Variants in URB1 observed in about 807,000 individuals in gnomAD.
URB1 encodes the protein nucleolar pre-ribosomal-associated protein 1.
Under a neutral mutation model 242.3 loss-of-function variants are expected in URB1, and 197 were observed. That is an observed-to-expected ratio of 0.81 (90% confidence interval 0.72 to 0.91). The LOEUF (loss-of-function observed/expected upper bound fraction) is 0.91, where lower values mean the gene tolerates loss of function less well. Ranked by LOEUF, URB1 falls within the 40% of genes least tolerant of loss-of-function variation. URB1 has a pLI of 0.00. For synonymous variants in URB1, 1,153 were observed against 1,201.8 expected (o/e 0.96, Z 0.84); for missense variants, 2,721 against 2,860.5 (o/e 0.95, Z 1.11).
Position 32,334,244 on chromosome 21 carries a change from G to A in URB1, c.4776C>T (p.Asp1592=). 1 of 1,551,552 alleles carries A rather than the reference G, an allele frequency of 6.4e-7. No individual in the cohort carries two copies. The highest frequency in any genetic ancestry group is 2.0e-5 in the Admixed American group (1 of 51,002). Residue 1592 remains aspartate (D), a synonymous_variant, in exon 29 of 39, where the codon GAC becomes GAT. Transcript: ENST00000382751. ...GGTCCCGGTCCAGCAGGCGAAGGAT[G>A]TCCCCGACACTCGGCTGCTGCCACA... is the stretch of plus-strand genomic sequence containing the variant. ...RSLWQQPSVG[D]ILRLLDRDRM...
At chr21:32,373,412 A>G (rs1295620389) in intron 7 of URB1, among the ~76,000 whole-genome samples, 1 of 151,896 alleles carries the variant, frequency 6.6e-6, no homozygotes, top group Non-Finnish European at 1.5e-5. Flanking sequence ...GCTCAGCCCA[A>G]GGAAATCATA....
In URB1 at chr21:32,347,005, A is replaced by G. The variant is rs1466642545; in HGVS notation, c.3819T>C (p.His1273=). The stretch of plus-strand genomic sequence containing the variant: ...TCCGTGTCCTGCACTGGAGGTACAC[A>G]TGGATGAGGGGAAGGAAGTCGTCCA... ...GDLDDFLPLI[H]VYLQCRTRSH... is the part of the protein sequence containing the mutation. The change falls in exon 22 of 39, where the codon CAT becomes CAC. Residue 1273 remains histidine, a synonymous_variant. Coordinates refer to ENST00000382751, the MANE Select transcript of URB1 (RefSeq NM_014825.3). 1 of 1,544,514 alleles carries G rather than the reference A, an allele frequency of 6.5e-7. No homozygotes were observed. Among genetic ancestry groups the G allele is most frequent in the Middle Eastern group, 1.7e-4 (1 of 5,926 alleles).
chr21:32,325,480 C>T (rs1178854910), intron 30 of URB1, 91 bp from the exon 31 acceptor site: 1 of 1,441,676 alleles, frequency 6.9e-7, no homozygotes, highest in African/African-American at 1.4e-5. Flanking sequence ...TTGTGTCTTA[C>T]CAATAGCTAC....
At chr21:32,371,420 G>GT (rs1455839293) in intron 8 of URB1, among the ~76,000 whole-genome samples, 2 of 152,180 alleles carry the variant, frequency 1.3e-5, no homozygotes, top group African/African-American at 4.8e-5. Context: ...CAATGCATGT[G>GT]TTTTAAGCAT....
chr21:32,316,907 A>G lies in URB1; in HGVS notation c.6193T>C (p.Tyr2065His). ...GGACCAGGGATCACTGGTCTCCAGTAAGTCAAGATGGACCTCAGGAGGCCC... is the reference window on the plus strand; with the variant it reads ...GGACCAGGGATCACTGGTCTCCAGTGAGTCAAGATGGACCTCAGGAGGCCC... ...CKGLLRSILT[Y>H]WRPVIPGPDP... Residue 2065 changes from tyrosine (Y) to histidine (H), a missense_variant, in exon 38 of 39, where the codon TAC (tyrosine) becomes CAC (histidine). Transcript: ENST00000382751. 1 of 1,551,690 alleles carries G rather than the reference A, an allele frequency of 6.4e-7. No individual in the cohort carries two copies. Among genetic ancestry groups the G allele is most frequent in the Non-Finnish European group, 8.7e-7 (1 of 1,147,000 alleles).
chr21:32,368,645 A>C (rs1257045933), intron 8 of URB1, 47 bp from the exon 9 acceptor site: 3 of 1,488,388 alleles, frequency 2.0e-6, no homozygotes, highest in Non-Finnish European at 2.7e-6. Flanking sequence ...AAATGGTCAA[A>C]GCACCCTGAG....
chr21:32,321,691 C>G, intron 34 of URB1, 110 bp downstream of exon 34: 2 of 1,461,132 alleles, frequency 1.4e-6, no homozygotes, highest in Non-Finnish European at 1.8e-6. Context: ...AGGGTTAGGT[C>G]GGTCGTGTCC....
intron 7 of URB1, 86 bp from the exon 8 acceptor site, chr21:32,372,717 C>T (rs2033419686): frequency 1.4e-6 from 2 of 1,383,800 alleles, no homozygotes; most frequent in Admixed American, 5.9e-5. Context: ...ACAATATTAA[C>T]TGCCGATGAC....
chr21:32,312,249 G>A lies in URB1; in HGVS notation c.*2669C>T, dbSNP rs1244556929. 2 of 1,415,066 alleles carry A rather than the reference G, an allele frequency of 1.4e-6. No homozygotes were observed. The highest frequency in any genetic ancestry group is 2.9e-5 in the Admixed American group (1 of 34,732). The allele number at this position is 1,415,066 out of a possible 1,614,324, so 87.7% of individuals were successfully genotyped here. A position where few individuals can be genotyped will look rare whatever the true frequency, so the allele number is the denominator to read the frequency against. ...TTGCTTACTGCTTATATTTGCTCAG[G>A]GAAGAGTAGGAAAATAAAATATATG... On this transcript the variant is annotated 3_prime_UTR_variant, in exon 39 of 39. Transcript: ENST00000382751.
chr21:32,336,329 T>C (rs997630400), intron 28 of URB1, among the ~76,000 whole-genome samples: 27 of 152,004 alleles, frequency 1.8e-4, no homozygotes, highest in African/African-American at 6.0e-4. Flanking sequence ...CCCTGCAAGC[T>C]CTCCTGAACA....
At chr21:32,334,443 T>C in intron 28 of URB1, 109 bp from the exon 29 acceptor site, 1 of 1,301,098 alleles carries the variant, frequency 7.7e-7, no homozygotes, top group Non-Finnish European at 1.0e-6. Context: ...TCACACCAGG[T>C]GCTGTTCTGA....
chr21:32,368,240 G>T (rs1361189855), intron 9 of URB1, among the ~76,000 whole-genome samples, 163 bp downstream of exon 9: 1 of 148,370 alleles, frequency 6.7e-6, no homozygotes, highest in African/African-American at 2.6e-5. Flanking sequence ...GTTAATTTTT[G>T]TATTTTTAGT....
chr21:32,376,711 T>C (rs2033462978), intron 5 of URB1, among the ~76,000 whole-genome samples: 1 of 152,170 alleles, frequency 6.6e-6, no homozygotes, highest in African/African-American at 2.4e-5. Flanking sequence ...AATCTCCACT[T>C]ACTGCAGCCT....
At position 32,357,537 on chromosome 21, in the gene URB1, C is replaced by T; in HGVS notation, c.1989G>A (p.Lys663=). ...LKSLTKLLIM[K]ILRDTGVFEH... is the part of the protein sequence containing the mutation. The stretch of plus-strand genomic sequence containing the variant: ...TTAGAAACTGGTAGAAAATGCTCAC[C>T]TTCATGATCAGAAGTTTGGTCAATG... The change falls in exon 15 of 39, where the codon AAG becomes AAA. Residue 663 remains lysine, a splice_region_variant and synonymous_variant. Transcript: ENST00000382751. The T allele has an allele frequency of 3.3e-6, 5 of 1,506,948 alleles. No homozygotes were observed. Among genetic ancestry groups the T allele is most frequent in the Non-Finnish European group, 3.5e-6 (4 of 1,131,284 alleles). The allele number at this position is 1,506,948 out of a possible 1,614,324, so 93.3% of individuals were successfully genotyped here. A position where few individuals can be genotyped will look rare whatever the true frequency, so the allele number is the denominator to read the frequency against.
intron 25 of URB1, among the ~76,000 whole-genome samples, chr21:32,339,726 C>T (rs1601132262): frequency 2.6e-5 from 4 of 151,640 alleles, no homozygotes; most frequent in Admixed American, 1.3e-4. Flanking sequence ...CTTCTGACCT[C>T]GTGATCCGCC....
Position 32,352,704 on chromosome 21 carries a change from G to A in URB1, c.2613+6C>T, listed in dbSNP as rs752324139. 20 of 1,550,646 alleles carry A rather than the reference G, an allele frequency of 1.3e-5. No individual in the cohort carries two copies. Among genetic ancestry groups the A allele is most frequent in the African/African-American group, 1.2e-4 (9 of 73,036 alleles). ...AGCAGTGACCACAGCTGTGGCTGCA[G>A]CTCACCCAGGCCTCTCGGGCTTGCT... On this transcript the variant is annotated splice_donor_region_variant and intron_variant, in intron 19 of 38. Transcript: ENST00000382751.
chr21:32,357,704 T>C (rs7283283), intron 14 of URB1, 48 bp from the exon 15 acceptor site: 896,102 of 1,261,998 alleles, frequency 0.71, 331,760 homozygotes, highest in Non-Finnish European at 0.76. Context: ...TAATTACATA[T>C]ATAATTTTAA....
At chr21:32,323,307 G>C (rs758410795) in intron 32 of URB1, among the ~76,000 whole-genome samples, 2 of 152,224 alleles carry the variant, frequency 1.3e-5, no homozygotes, top group Non-Finnish European at 2.9e-5. Flanking sequence ...TGAACTAACT[G>C]TGGGGCCTTG....
At chr21:32,371,900 G>C (rs1380209413) in intron 8 of URB1, among the ~76,000 whole-genome samples, 1 of 151,956 alleles carries the variant, frequency 6.6e-6, no homozygotes, top group East Asian at 1.9e-4. Context: ...CAGTAGATTT[G>C]AACTTAATAT....
Sources: allele counts gnomAD v4.1 joint callset (sites outside exome capture counted in the v4.1 genomes callset), GRCh38; gene constraint gnomAD v4.1.1; transcripts MANE v1.5; gene names NCBI Gene and HGNC (gene_info 2026-07-23, HGNC 2026-07-21).